Variants in BEST4 observed in about 807,000 individuals in gnomAD.
BEST4 encodes bestrophin-4.
Under a neutral mutation model 47.1 loss-of-function variants are expected in BEST4, and 36 were observed. The ratio of observed to expected loss-of-function variants is 0.76; its 90% CI spans 0.59 to 1.01. BEST4 has a LOEUF of 1.01. BEST4 is among the 50% of genes least tolerant of loss of function. The pLI, the probability that BEST4 is intolerant of heterozygous loss-of-function variation, is 0.00. For synonymous variants in BEST4, 250 were observed against 277.8 expected, an observed-to-expected ratio of 0.90 and a Z score of 1.00; for missense variants, 550 against 648.6, an observed-to-expected ratio of 0.85 and a Z score of 1.65.
rs1212866760 is a variant in BEST4 at position 44,787,541 on chromosome 1, AC to A, written c.152+12del. 1.2e-6 allele frequency: 2 copies of A among 1,613,892 alleles called. No homozygotes were observed. The highest frequency in any genetic ancestry group is 1.7e-6 in the Non-Finnish European group (2 of 1,179,970). On this transcript the variant is annotated intron_variant, in intron 1 of 8. Coordinates refer to ENST00000372207, the MANE Select transcript of BEST4 (RefSeq NM_153274.3). ...TCTCCCCACTTGCGCCAGCTCTAAG[AC>A]CCTGCCCTTACCGGTAGGTGATGCT...
Position 44,784,593 on chromosome 1 carries a change from C to T in BEST4, c.1148+36G>A, listed in dbSNP as rs1284567305. ...GGTGCCCCAGAGGCTGAGCGAGGACCCGCGTGCCGGGTCAGGCCCAGTGCA... is the reference window on the plus strand; with the variant it reads ...GGTGCCCCAGAGGCTGAGCGAGGACTCGCGTGCCGGGTCAGGCCCAGTGCA... On this transcript the variant is annotated intron_variant, in intron 8 of 8. Transcript: ENST00000372207. This position sits in a 1 kb window ranked among gnomAD's most constrained non-coding sequence, Gnocchi z 6.2. 1 of 1,595,336 alleles carries T rather than the reference C, an allele frequency of 6.3e-7. No homozygotes were observed. The highest frequency in any genetic ancestry group is 1.1e-5 in the South Asian group (1 of 89,248).
chr1:44,785,574 G>A lies in BEST4; in HGVS notation c.714+25C>T. On this transcript the variant is annotated intron_variant, in intron 5 of 8. Coordinates refer to ENST00000372207, the MANE Select transcript of BEST4 (RefSeq NM_153274.3). ...GCACAGGACATACAGTAGGCACTGG[G>A]ACTCGGGAGGGGAGAGGCAGTTACT... 3 of 1,531,446 alleles carry A rather than the reference G, an allele frequency of 2.0e-6. 1 individual carries two copies. Among genetic ancestry groups the A allele is most frequent in the South Asian group, 2.4e-5 (2 of 83,466 alleles). 94.9% of individuals were successfully genotyped at this position (1,531,446 alleles called of 1,614,324 possible). A position where few individuals can be genotyped will look rare whatever the true frequency, so the allele number is the denominator to read the frequency against.
rs1651167965 is a variant in BEST4 at position 44,784,971 on chromosome 1, G to A, written c.927C>T (p.Ile309=). ...YAGWLKVAEQ[I]INPFGEDDDD... ...CATCATCCTCACCAAATGGGTTGATGATCTGTTCAGCCACCTATAGGTGGC... is the reference window on the plus strand; with the variant it reads ...CATCATCCTCACCAAATGGGTTGATAATCTGTTCAGCCACCTATAGGTGGC... The change falls in exon 7 of 9, where the codon ATC becomes ATT. Residue 309 remains isoleucine (I), a synonymous_variant. Transcript: ENST00000372207. This position sits in a 1 kb window ranked among gnomAD's most constrained non-coding sequence, Gnocchi z 6.2. The A allele has an allele frequency of 1.9e-6, 3 of 1,614,110 alleles. No individual in the cohort carries two copies. In the South Asian group the frequency reaches 3.3e-5, roughly 18 times the overall value.
upstream of BEST4, among the ~76,000 whole-genome samples, chr1:44,792,113 A>G (rs1024537903): frequency 6.6e-6 from 1 of 152,092 alleles, no homozygotes; most frequent in Non-Finnish European, 1.5e-5. Context: ...ATGGTGGCAC[A>G]TGCCTGTAAT....
At chr1:44,785,895 G>A (rs1459555282) in intron 4 of BEST4, among the ~76,000 whole-genome samples, 179 bp downstream of exon 4, 3 of 152,210 alleles carry the variant, frequency 2.0e-5, no homozygotes, top group African/African-American at 7.2e-5. Flanking sequence ...TGTGCAAGGA[G>A]GATGATAGTA....
chr1:44,786,744 C>A lies in BEST4; in HGVS notation c.248-48G>T. 1 of 1,460,200 alleles carries A rather than the reference C, an allele frequency of 6.8e-7. No individual in the cohort carries two copies. Among genetic ancestry groups the A allele is most frequent in the Non-Finnish European group, 9.3e-7 (1 of 1,075,310 alleles). The allele number at this position is 1,460,200 out of a possible 1,614,324, so 90.5% of individuals were successfully genotyped here. A position where few individuals can be genotyped will look rare whatever the true frequency, so the allele number is the denominator to read the frequency against. On this transcript the variant is annotated intron_variant, in intron 2 of 8. Transcript: ENST00000372207. This position sits in a 1 kb window ranked among gnomAD's most constrained non-coding sequence, Gnocchi z 4.9. The stretch of plus-strand genomic sequence containing the variant: ...GGAGTAGGAAGGGAGAGTGGAGAGC[C>A]TGGGGGTCGGAGCGCCTCACCTCCC...
chr1:44,783,471 C>G (rs1294432307), downstream of BEST4: 1 of 152,094 alleles, frequency 6.6e-6, no homozygotes, highest in Non-Finnish European at 1.5e-5. Context: ...AAGACAGATT[C>G]CCAAACCCTT....
In BEST4 at chr1:44,785,644, C is replaced by T; in HGVS notation, c.669G>A (p.Met223Ile). ...ELNKYRAKCS[M>I]LFHYDWISIP... ...TGCTGATCCAGTCATAGTGGAATAG[C>T]ATGCTGCACTTGGCTCGGTACTTGT... The change falls in exon 5 of 9, where the codon ATG becomes ATA. Residue 223 changes from methionine (M) to isoleucine (I), a missense_variant. Transcript: ENST00000372207. 6.4e-7 allele frequency: 1 copy of T among 1,555,116 alleles called. No homozygotes were observed. Among genetic ancestry groups the T allele is most frequent in the Non-Finnish European group, 8.7e-7 (1 of 1,149,244 alleles).
In BEST4 at chr1:44,787,609, A is replaced by G; in HGVS notation, c.97T>C (p.Tyr33His). The change falls in exon 1 of 9, where the codon TAC (tyrosine) becomes CAC (histidine). Residue 33 changes from tyrosine to histidine, a missense_variant. Physicochemically the swap from Tyr to His is moderately conservative, Grantham distance 83. Coordinates refer to ENST00000372207, the MANE Select transcript of BEST4 (RefSeq NM_153274.3). Reference sequence around the variant, plus strand: ...GCCCCAAAGAGGAGGAATTCCTTGTAGAGGAGCTTGTAGATGCTTCCCCTC... The same window carrying G: ...GCCCCAAAGAGGAGGAATTCCTTGTGGAGGAGCTTGTAGATGCTTCCCCTC... ...RWRGSIYKLLYKEFLLFGALY... is the reference protein window; with the variant it reads ...RWRGSIYKLLHKEFLLFGALY... 6.2e-7 allele frequency: 1 copy of G among 1,614,244 alleles called. No individual in the cohort carries two copies. The highest frequency in any genetic ancestry group is 8.5e-7 in the Non-Finnish European group (1 of 1,180,044).
upstream of BEST4, among the ~76,000 whole-genome samples, chr1:44,790,107 G>A (rs1651371990): frequency 6.6e-6 from 1 of 152,180 alleles, no homozygotes; most frequent in Non-Finnish European, 1.5e-5. Context: ...AAGCACTGTG[G>A]GTGGTTGGCT....
chr1:44,787,567 T>G lies in BEST4; in HGVS notation c.139A>C (p.Ser47Arg). The G allele has an allele frequency of 6.2e-7, 1 of 1,614,198 alleles. No homozygotes were observed. The highest frequency in any genetic ancestry group is 8.5e-7 in the Non-Finnish European group (1 of 1,180,028). The change falls in exon 1 of 9, where the codon AGC becomes CGC. Residue 47 changes from serine to arginine, a missense_variant. Coordinates refer to ENST00000372207, the MANE Select transcript of BEST4 (RefSeq NM_153274.3). ...CCCTGCCCTTACCGGTAGGTGATGCTAAGCACAGCGTACAAGGCCCCAAAG... is the reference window on the plus strand; with the variant it reads ...CCCTGCCCTTACCGGTAGGTGATGCGAAGCACAGCGTACAAGGCCCCAAAG... ...LLFGALYAVL[S>R]ITYRLLLTQE... is the part of the protein sequence containing the mutation.
downstream of BEST4, among the ~76,000 whole-genome samples, chr1:44,782,662 A>AAATAAAT (rs1651077043): frequency 7.0e-6 from 1 of 143,360 alleles, no homozygotes; most frequent in East Asian, 1.9e-4. Flanking sequence ...ATAAATAAAT[A>AAATAAAT]AATAAATAAG....
intron 2 of BEST4, among the ~76,000 whole-genome samples, chr1:44,787,142 T>G (rs917911122): frequency 2.2e-5 from 3 of 133,922 alleles, no homozygotes; most frequent in African/African-American, 8.6e-5. Context: ...GTTGAGTAAT[T>G]CTTTTTTTTT....
rs1173715001 is a variant in BEST4, at chr1:44,784,924, A to T, written c.974T>A (p.Leu325His). The T allele has an allele frequency of 6.2e-7, 1 of 1,614,106 alleles. No homozygotes were observed. The highest frequency in any genetic ancestry group is 1.1e-5 in the South Asian group (1 of 91,082). The stretch of plus-strand genomic sequence containing the variant: ...GCTCACCTGCAAGTTGCGGTCTATG[A>T]GCTGATTTGTCTCAAAGTCGTCATC... Reference protein sequence around the residue: ...EDDDDFETNQLIDRNLQVSLL... With the variant: ...EDDDDFETNQHIDRNLQVSLL... The change falls in exon 7 of 9, where the codon CTC (leucine) becomes CAC (histidine). Residue 325 changes from leucine to histidine, a missense_variant. Leu to His is a moderately conservative substitution (Grantham distance 99). Around this residue, in one of 3 missense-constraint regions of BEST4, gnomAD observed 255 missense variants for 286.6 expected, o/e 0.89. Transcript: ENST00000372207. This position sits in a 1 kb window ranked among gnomAD's most constrained non-coding sequence, Gnocchi z 6.2.
rs1418659755 is a variant in BEST4, at chr1:44,786,349, T to G, written c.481+114A>C. On this transcript the variant is annotated intron_variant, in intron 3 of 8. Coordinates refer to ENST00000372207, the MANE Select transcript of BEST4 (RefSeq NM_153274.3). This position sits in a 1 kb window ranked among gnomAD's most constrained non-coding sequence, Gnocchi z 4.9. ...CTGTCCCAGGACTCGCGGTTCCGCG[T>G]TCCTGTCGCAGTCCAGACCCTTCCC... The G allele has an allele frequency of 1.4e-6, 2 of 1,450,930 alleles. No homozygotes were observed. The highest frequency in any genetic ancestry group is 1.8e-6 in the Non-Finnish European group (2 of 1,082,832). The allele number at this position is 1,450,930 out of a possible 1,614,324, so 89.9% of individuals were successfully genotyped here. A position where few individuals can be genotyped will look rare whatever the true frequency, so the allele number is the denominator to read the frequency against.
chr1:44,785,841 CTT>C (rs1265536243), intron 4 of BEST4, among the ~76,000 whole-genome samples, 165 bp from the exon 5 acceptor site: 1 of 152,140 alleles, frequency 6.6e-6, no homozygotes, highest in East Asian at 1.9e-4. Flanking sequence ...AGCTGTGTAA[CTT>C]AGGCAAATTT....
chr1:44,785,729 T>C, intron 4 of BEST4, 53 bp from the exon 5 acceptor site: 1 of 1,465,878 alleles, frequency 6.8e-7, no homozygotes, highest in Non-Finnish European at 9.3e-7. Context: ...GGAACAGGGG[T>C]GCCCAGCACA....
rs370479919 is a variant in BEST4, at chr1:44,785,170, G to T, written c.850C>A (p.Pro284Thr). ...GQEPAPALGD[P>T]DMYVPLTTLL... ...GTGGTGAGAGGCACGTACATGTCCG[G>T]GTCTCCCAGGGCTGGGGCTGGCTCC... Residue 284 changes from proline (P) to threonine (T), a missense_variant, in exon 6 of 9, where the codon CCG becomes ACG. Coordinates refer to ENST00000372207, the MANE Select transcript of BEST4 (RefSeq NM_153274.3). 54 of 1,613,936 alleles carry T rather than the reference G, an allele frequency of 3.3e-5. No homozygotes were observed. The highest frequency in any genetic ancestry group is 4.2e-5 in the Non-Finnish European group (50 of 1,180,026).
chr1:44,791,642 C>A (rs1306280111), upstream of BEST4, among the ~76,000 whole-genome samples: 1 of 152,024 alleles, frequency 6.6e-6, no homozygotes, highest in African/African-American at 2.4e-5. Flanking sequence ...CAGTCCCTAC[C>A]TCCTGAATCA....
Sources: gnomAD v4.1 joint callset for allele counts (sites outside exome capture counted in the v4.1 genomes callset) on GRCh38, gnomAD v4.1.1 for gene constraint, gnomAD v4.1.1 regional missense constraint, Gnocchi (gnomAD v3.1) non-coding constraint, MANE v1.5 for transcripts, NCBI Gene and HGNC (gene_info 2026-07-23, HGNC 2026-07-21) for gene names.